PCDH11X: variants seen among roughly 807,000 people sequenced by gnomAD.
PCDH11X encodes the protein protocadherin 11 X-linked, also known as protocadherin-11 X-linked.
In PCDH11X, 18 loss-of-function variants were observed where a neutral mutation model predicts 53.3. The observed-to-expected ratio is 0.34, with a 90% CI of 0.23 to 0.50. PCDH11X has a LOEUF of 0.50. PCDH11X is among the 20% of genes least tolerant of loss of function. The pLI, the probability that PCDH11X is intolerant of heterozygous loss-of-function variation, is 0.98. For synonymous variants in PCDH11X, 279 were observed against 393.3 expected (o/e 0.71, Z 3.44); for missense variants, 570 against 1,032.4 (o/e 0.55, Z 6.14).
At chrX:92,320,526 A>T (rs1483356870) in intron 8 of PCDH11X, among the ~76,000 whole-genome samples, 1 of 111,177 alleles carries the variant, frequency 9.0e-6, no homozygotes, top group Non-Finnish European at 1.9e-5. Context: ...TGTTACCACT[A>T]GCAAATAAAT....
intron 9 of PCDH11X, among the ~76,000 whole-genome samples, chrX:92,395,232 A>AT (rs1376480991): frequency 5.4e-5 from 6 of 111,164 alleles, no homozygotes; most frequent in African/African-American, 2.0e-4. Context: ...TTAAAAGTTT[A>AT]TTTTTTTCTT....
At chrX:92,590,408 T>G (rs1861218239) in intron 10 of PCDH11X, among the ~76,000 whole-genome samples, 1 of 111,372 alleles carries the variant, frequency 9.0e-6, no homozygotes, top group African/African-American at 3.3e-5. Context: ...CCCACCAGAA[T>G]GAGGAACACA....
intron 8 of PCDH11X, among the ~76,000 whole-genome samples, chrX:92,304,597 A>T (rs2068787335): frequency 9.0e-6 from 1 of 111,527 alleles, no homozygotes; most frequent in Admixed American, 9.5e-5. Flanking sequence ...GAGCTGGGGG[A>T]ATCCTTAGGG....
intron 8 of PCDH11X, among the ~76,000 whole-genome samples, chrX:92,313,185 A>AT (rs58450439): frequency 2.8e-4 from 30 of 108,038 alleles, no homozygotes; most frequent in Admixed American, 9.0e-4. Context: ...AAATGTGTAC[A>AT]TTTTTTTTTT....
At chrX:92,434,128 CATCT>C (rs745526186) in intron 9 of PCDH11X, among the ~76,000 whole-genome samples, 101 of 111,024 alleles carry the variant, frequency 9.1e-4, no homozygotes, top group Non-Finnish European at 1.1e-3. Flanking sequence ...ATCTATCTAT[CATCT>C]ATCTATCTAT....
intron 5 of PCDH11X, among the ~76,000 whole-genome samples, chrX:91,837,373 T>G (rs1483963125): frequency 9.0e-6 from 1 of 111,630 alleles, no homozygotes; most frequent in African/African-American, 3.3e-5. Flanking sequence ...GGAGAACAGT[T>G]TCGAGGTTCC....
chrX:92,108,935 C>T (rs1286571741), intron 6 of PCDH11X, among the ~76,000 whole-genome samples: 1 of 111,597 alleles, frequency 9.0e-6, no homozygotes, highest in Non-Finnish European at 1.9e-5. Flanking sequence ...TCACCTTGCC[C>T]GCTGCCTAGA....
At chrX:92,447,271 G>T (rs1209813720) in intron 9 of PCDH11X, among the ~76,000 whole-genome samples, 1 of 111,666 alleles carries the variant, frequency 9.0e-6, no homozygotes, top group Non-Finnish European at 1.9e-5. Context: ...AAGACAGTGG[G>T]GAAAATGTCA....
Position 91,989,659 on chromosome X carries a change from C to T in PCDH11X, c.3033+110386C>T, listed in dbSNP as rs188002719. 9.1e-5 allele frequency among the ~76,000 whole-genome samples: 10 copies of T among 109,735 alleles called. No homozygotes were observed. In the East Asian group the frequency reaches 2.6e-3, roughly 29 times the overall value. ...CATGTGGGAGGTAGTGGCATGAACC[C>T]TAACTACAGTTATGAAAAAAAATGG... On this transcript the variant is annotated intron_variant, in intron 6 of 10. Coordinates refer to ENST00000682573, the MANE Select transcript of PCDH11X (RefSeq NM_032968.5).
intron 5 of PCDH11X, among the ~76,000 whole-genome samples, chrX:91,859,777 G>A (rs1310724612): frequency 2.9e-5 from 3 of 103,595 alleles, no homozygotes; most frequent in Non-Finnish European, 5.9e-5. Context: ...GGTTGTAGGT[G>A]TGCAGTCTTA....
chrX:92,142,881 A>C (rs2065209076), intron 6 of PCDH11X, among the ~76,000 whole-genome samples: 2 of 103,120 alleles, frequency 1.9e-5, no homozygotes, highest in Non-Finnish European at 3.9e-5. Flanking sequence ...AGACACATAC[A>C]TACACGTTGA....
intron 8 of PCDH11X, among the ~76,000 whole-genome samples, chrX:92,366,877 C>A (rs2070486216): frequency 9.1e-6 from 1 of 109,904 alleles, no homozygotes; most frequent in African/African-American, 3.3e-5. Flanking sequence ...ATGATTTCCA[C>A]TCTTTTGCAT....
chrX:92,121,435 C>A (rs1329996085), intron 6 of PCDH11X, among the ~76,000 whole-genome samples: 1 of 111,940 alleles, frequency 8.9e-6, no homozygotes, highest in Non-Finnish European at 1.9e-5. Context: ...GGATTACAGG[C>A]GTGAGCCACC....
intron 8 of PCDH11X, among the ~76,000 whole-genome samples, chrX:92,332,674 C>T (rs969294108): frequency 7.1e-5 from 8 of 111,979 alleles, no homozygotes; most frequent in East Asian, 5.7e-4. Flanking sequence ...TAACAGGCAA[C>T]GAATTGGGTA....
chrX:92,275,519 G>A (rs867385081), intron 8 of PCDH11X, among the ~76,000 whole-genome samples: 150 of 108,438 alleles, frequency 1.4e-3, no homozygotes, highest in Middle Eastern at 4.8e-3. Context: ...CTGGGATGAA[G>A]GGTGCAAAGG....
At chrX:92,597,273 G>A in intron 10 of PCDH11X, among the ~76,000 whole-genome samples, 1 of 105,866 alleles carries the variant, frequency 9.4e-6, no homozygotes, top group South Asian at 4.0e-4. Context: ...TTCCATATTG[G>A]GAAAAAACTA....
At chrX:92,337,069 A>G (rs978244265) in intron 8 of PCDH11X, among the ~76,000 whole-genome samples, 11 of 110,468 alleles carry the variant, frequency 1.0e-4, no homozygotes, top group African/African-American at 3.0e-4. Flanking sequence ...TTAAACTATG[A>G]CATGTTTAAT....
intron 6 of PCDH11X, among the ~76,000 whole-genome samples, chrX:92,074,285 G>A (rs1474928431): frequency 1.8e-5 from 2 of 111,003 alleles, no homozygotes; most frequent in Admixed American, 9.6e-5. Flanking sequence ...GTACAAAAAC[G>A]ATGGCAGTTT....
chrX:92,377,425 C>A (rs2148560416), intron 8 of PCDH11X, among the ~76,000 whole-genome samples: 1 of 111,065 alleles, frequency 9.0e-6, no homozygotes, highest in African/African-American at 3.3e-5. Context: ...GTCCTATGAT[C>A]CAACTTGTCT....
Sources: gnomAD v4.1 joint callset for allele counts (sites outside exome capture counted in the v4.1 genomes callset) on GRCh38, gnomAD v4.1.1 for gene constraint, MANE v1.5 for transcripts, NCBI Gene and HGNC (gene_info 2026-07-23, HGNC 2026-07-21) for gene names.